Variants in SCP2 observed in about 807,000 individuals in gnomAD.
SCP2 encodes the protein sterol carrier protein 2.
A neutral mutation model predicts 71.4 loss-of-function variants in SCP2; 48 were observed. That is an observed-to-expected ratio of 0.67 (90% CI 0.53 to 0.86). The LOEUF is 0.86. Ranked by LOEUF, SCP2 falls within the 40% of genes least tolerant of loss-of-function variation. The pLI, the probability that SCP2 is intolerant of heterozygous loss-of-function variation, is 0.00. For synonymous variants in SCP2, 220 were observed against 218.1 expected (o/e 1.01, Z -0.08); for missense variants, 560 against 655.6 (o/e 0.85, Z 1.59).
chr1:52,964,900 G>A (rs939583066), intron 6 of SCP2, among the ~76,000 whole-genome samples: 1 of 152,104 alleles, frequency 6.6e-6, no homozygotes, highest in African/African-American at 2.4e-5. Flanking sequence ...TGTAGTCCCA[G>A]CTACTCGGGA....
rs183528193 is a variant in SCP2 at position 53,012,690 on chromosome 1, T to G, written c.1082-2200T>G. Among the ~76,000 whole-genome samples, 69 of 152,376 alleles carry G rather than the reference T, an allele frequency of 4.5e-4. No individual in the cohort carries two copies. In the East Asian group the frequency reaches 0.012, roughly 26 times the overall value. On this transcript the variant is annotated intron_variant, in intron 11 of 15. Coordinates refer to ENST00000371514, the MANE Select transcript of SCP2 (RefSeq NM_002979.5). ...AGGCATTTTAAAGACTCTTCATAAC[T>G]TTGTACATTGCTTTCCAAAAAGGTT...
intron 6 of SCP2, among the ~76,000 whole-genome samples, chr1:52,972,473 G>A (rs186384563): frequency 6.6e-6 from 1 of 152,294 alleles, no homozygotes; most frequent in East Asian, 1.9e-4. Flanking sequence ...CATCTCTTAT[G>A]TCAGACACCA....
intron 14 of SCP2, among the ~76,000 whole-genome samples, chr1:53,042,762 G>C (rs950196004): frequency 1.3e-5 from 2 of 152,156 alleles, no homozygotes; most frequent in Admixed American, 6.5e-5. Flanking sequence ...ATGTTAGGGG[G>C]TTTGTTTATT....
intron 7 of SCP2, among the ~76,000 whole-genome samples, chr1:52,975,677 T>G (rs976241286): frequency 1.3e-5 from 2 of 152,202 alleles, no homozygotes; most frequent in Admixed American, 6.5e-5. Context: ...GGCTCAAAAG[T>G]TGGCTGAATT....
At position 52,933,352 on chromosome 1, in the gene SCP2, C is replaced by T. The variant is rs552288142; in HGVS notation, c.69+5887C>T. Among the ~76,000 whole-genome samples, 22 of 151,932 alleles carry T rather than the reference C, an allele frequency of 1.4e-4. No individual in the cohort carries two copies. The South Asian group carries it at 3.7e-3, about 26-fold the overall frequency. On this transcript the variant is annotated intron_variant, in intron 1 of 15. Coordinates refer to ENST00000371514, the MANE Select transcript of SCP2 (RefSeq NM_002979.5). ...CTGTAATCTTGGCACTTTGGGAGGCCGAGGCTTAATTAAGCCCAGGAGTTT... is the reference window on the plus strand; with the variant it reads ...CTGTAATCTTGGCACTTTGGGAGGCTGAGGCTTAATTAAGCCCAGGAGTTT...
At chr1:52,999,100 A>C (rs1229204126) in intron 11 of SCP2, among the ~76,000 whole-genome samples, 1 of 152,158 alleles carries the variant, frequency 6.6e-6, no homozygotes, top group Admixed American at 6.5e-5. Flanking sequence ...TTTGGGAAAA[A>C]AATTATGAAT....
chr1:53,004,659 G>A (rs1056609408), intron 11 of SCP2, among the ~76,000 whole-genome samples: 4 of 152,208 alleles, frequency 2.6e-5, no homozygotes, highest in African/African-American at 7.2e-5. Flanking sequence ...CTTTAAGAAG[G>A]TTCCAAGATG....
At chr1:53,018,922 C>G (rs929063274) in intron 12 of SCP2, among the ~76,000 whole-genome samples, 25 of 152,078 alleles carry the variant, frequency 1.6e-4, no homozygotes, top group Non-Finnish European at 3.5e-4. Context: ...TCTTTAGTTT[C>G]CTTTAATGTG....
chr1:52,944,350 A>G (rs1654573566), intron 2 of SCP2, among the ~76,000 whole-genome samples: 1 of 152,048 alleles, frequency 6.6e-6, no homozygotes, highest in Admixed American at 6.5e-5. Context: ...CTTTCTAACT[A>G]TTCCTTCAAC....
chr1:53,050,523 A>G (rs1397418674), intron 15 of SCP2, 86 bp from the exon 16 acceptor site: 1 of 850,018 alleles, frequency 1.2e-6, no homozygotes, highest in Non-Finnish European at 2.0e-6. Flanking sequence ...GGATAAATAA[A>G]TGATCTCAGG....
Position 52,976,554 on chromosome 1 carries a change from A to T in SCP2, c.588-129A>T. The T allele has an allele frequency of 5.9e-6, 4 of 676,216 alleles. No homozygotes were observed. In the South Asian group the frequency reaches 6.8e-5, roughly 12 times the overall value. The allele number at this position is 676,216 out of a possible 1,614,324, so 41.9% of individuals were successfully genotyped here. A position where few individuals can be genotyped will look rare whatever the true frequency, so the allele number is the denominator to read the frequency against. The stretch of plus-strand genomic sequence containing the variant: ...TAAAAGGTCAATTCAGATGACATTT[A>T]TGGCTATTCATAAAAATCTGTCTTC... On this transcript the variant is annotated intron_variant, in intron 7 of 15. Transcript: ENST00000371514.
intron 13 of SCP2, among the ~76,000 whole-genome samples, chr1:53,028,569 A>G (rs993042738): frequency 8.7e-6 from 1 of 114,466 alleles, no homozygotes; most frequent in African/African-American, 4.0e-5. Flanking sequence ...AATTTAAAAA[A>G]TACTATACAG....
intron 11 of SCP2, among the ~76,000 whole-genome samples, chr1:52,990,650 C>T (rs1456539227): frequency 3.6e-5 from 5 of 137,686 alleles, no homozygotes; most frequent in South Asian, 2.4e-4. Flanking sequence ...AGGAGAATGG[C>T]GTGAACCCGG....
chr1:53,050,749 G>GAT lies in SCP2; in HGVS notation c.*52_*53dup. ...TTTGAAAATCAAGATGAGATATATA[G>GAT]ATATATATCCATACATTTTATTGTC... On this transcript the variant is annotated 3_prime_UTR_variant, in exon 16 of 16. Transcript: ENST00000371514. 1.7e-6 allele frequency: 2 copies of GAT among 1,161,008 alleles called. No individual in the cohort carries two copies. Among genetic ancestry groups the GAT allele is most frequent in the Non-Finnish European group, 1.3e-6 (1 of 768,498 alleles). 71.9% of individuals were successfully genotyped at this position (1,161,008 alleles called of 1,614,324 possible).
At chr1:53,018,129 A>G (rs759122572) in intron 12 of SCP2, among the ~76,000 whole-genome samples, 28 of 152,204 alleles carry the variant, frequency 1.8e-4, no homozygotes, top group Admixed American at 5.2e-4. Context: ...TGCTGAGATT[A>G]CAGGCATGGA....
At chr1:53,014,251 T>G (rs921116148) in intron 11 of SCP2, among the ~76,000 whole-genome samples, 1 of 152,070 alleles carries the variant, frequency 6.6e-6, no homozygotes, top group African/African-American at 2.4e-5. Flanking sequence ...GCTGGTCCGA[T>G]AGAAAGGCAA....
At chr1:53,012,825 A>C (rs763730478) in intron 11 of SCP2, among the ~76,000 whole-genome samples, 2 of 152,256 alleles carry the variant, frequency 1.3e-5, no homozygotes, top group African/African-American at 4.8e-5. Context: ...TGATTGGTGT[A>C]AAATGGTATC....
chr1:53,001,336 G>A (rs1660303141), intron 11 of SCP2, among the ~76,000 whole-genome samples: 1 of 152,150 alleles, frequency 6.6e-6, no homozygotes, highest in Non-Finnish European at 1.5e-5. Flanking sequence ...CATGCCTGGT[G>A]TTTTGCCAGC....
chr1:52,944,629 T>C lies in SCP2; in HGVS notation c.127+2776T>C, dbSNP rs547401225. Among the ~76,000 whole-genome samples, 3 of 152,204 alleles carry C rather than the reference T, an allele frequency of 2.0e-5. No individual in the cohort carries two copies. The South Asian group carries it at 6.2e-4, about 32-fold the overall frequency. On this transcript the variant is annotated intron_variant, in intron 2 of 15. Transcript: ENST00000371514. ...AATTTCTTTTATTTCATTAAAAAATTTGAAATTACTTTAGTGTGTGTATAA... is the reference window on the plus strand; with the variant it reads ...AATTTCTTTTATTTCATTAAAAAATCTGAAATTACTTTAGTGTGTGTATAA...
Sources: gnomAD v4.1 joint callset for allele counts (sites outside exome capture counted in the v4.1 genomes callset) on GRCh38, gnomAD v4.1.1 for gene constraint, MANE v1.5 for transcripts, NCBI Gene and HGNC (gene_info 2026-07-23, HGNC 2026-07-21) for gene names.